Variants in KLHL18 observed in about 807,000 individuals in gnomAD.
The protein encoded by KLHL18 is kelch-like protein 18.
A neutral mutation model predicts 58.5 loss-of-function variants in KLHL18; 38 were observed. That is an observed-to-expected ratio of 0.65 (90% CI 0.50 to 0.85). The LOEUF (loss-of-function observed/expected upper bound fraction) is 0.85. Among genes scored for constraint, KLHL18 ranks in the 40% least tolerant of loss-of-function variants. The probability of loss-of-function intolerance (pLI) is 0.00; values close to 1 mark genes in which losing one functional copy is unlikely to be tolerated. For missense variants in KLHL18, 624 were observed against 778.4 expected (o/e 0.80, Z 2.36); for synonymous variants, 303 against 301.9 (o/e 1.00, Z -0.04).
chr3:47,317,486 G>A (rs991315442), intron 1 of KLHL18, among the ~76,000 whole-genome samples: 5 of 152,126 alleles, frequency 3.3e-5, no homozygotes, highest in Admixed American at 3.3e-4. Context: ...AAACGGGGGT[G>A]TTAGTATAGG....
chr3:47,305,550 A>G (rs1703127250), intron 1 of KLHL18, among the ~76,000 whole-genome samples: 1 of 151,940 alleles, frequency 6.6e-6, no homozygotes, highest in South Asian at 2.1e-4. Flanking sequence ...TATATTCATG[A>G]GGGATATTGG....
intron 1 of KLHL18, among the ~76,000 whole-genome samples, chr3:47,309,317 G>A (rs1159658686): frequency 6.6e-6 from 1 of 152,338 alleles, no homozygotes; most frequent in Non-Finnish European, 1.5e-5. Context: ...GCCGGGCAGA[G>A]GGGCTCCTCA....
chr3:47,311,231 G>A (rs1022117761), intron 1 of KLHL18, among the ~76,000 whole-genome samples: 3 of 151,714 alleles, frequency 2.0e-5, no homozygotes, highest in African/African-American at 7.3e-5. Flanking sequence ...GGATGACCTC[G>A]ATCTTCTGGC....
At chr3:47,290,121 A>G (rs573367529) in intron 1 of KLHL18, among the ~76,000 whole-genome samples, 16 of 151,910 alleles carry the variant, frequency 1.1e-4, no homozygotes, top group Admixed American at 1.0e-3. Flanking sequence ...GATCTAACAC[A>G]GCTGTTTATT....
chr3:47,339,846 G>GT (rs1704069600), intron 7 of KLHL18, among the ~76,000 whole-genome samples: 2 of 151,954 alleles, frequency 1.3e-5, no homozygotes, highest in African/African-American at 4.8e-5. Context: ...GAGGACAGAA[G>GT]TTTGAGACCA....
intron 1 of KLHL18, 105 bp downstream of exon 1, chr3:47,283,199 G>A (rs1576119505): frequency 2.8e-6 from 2 of 706,944 alleles, no homozygotes; most frequent in East Asian, 1.0e-4. Context: ...GAGGGGTGGG[G>A]AGAAGAGGTG....
chr3:47,325,895 A>T (rs1269098056), intron 3 of KLHL18, among the ~76,000 whole-genome samples: 1 of 151,456 alleles, frequency 6.6e-6, no homozygotes, highest in Non-Finnish European at 1.5e-5. Flanking sequence ...CAGCCTCCGG[A>T]GTAGCAGGAT....
intron 4 of KLHL18, 62 bp downstream of exon 4, chr3:47,330,211 TTTTG>T: frequency 1.4e-6 from 2 of 1,457,182 alleles, no homozygotes; most frequent in Non-Finnish European, 1.9e-6. Flanking sequence ...ATAGTCATTG[TTTTG>T]TTTATGTATT....
intron 6 of KLHL18, 43 bp from the exon 7 acceptor site, chr3:47,336,492 G>C: frequency 6.6e-7 from 1 of 1,517,212 alleles, no homozygotes; most frequent in Non-Finnish European, 9.1e-7. Flanking sequence ...CTCTAAACAA[G>C]TGGTCTCATT....
At chr3:47,306,608 T>G (rs1703153479) in intron 1 of KLHL18, among the ~76,000 whole-genome samples, 1 of 152,236 alleles carries the variant, frequency 6.6e-6, no homozygotes, top group Admixed American at 6.5e-5. Context: ...TATTACATAT[T>G]TTCTGGAGCG....
chr3:47,303,647 TGC>T (rs911996471), intron 1 of KLHL18, among the ~76,000 whole-genome samples: 26 of 152,284 alleles, frequency 1.7e-4, no homozygotes, highest in Admixed American at 1.7e-3. Flanking sequence ...GGCTTCAAAC[TGC>T]AGGGCTCAAG....
chr3:47,302,794 T>G (rs1411055378), intron 1 of KLHL18, among the ~76,000 whole-genome samples: 1 of 152,236 alleles, frequency 6.6e-6, no homozygotes, highest in Non-Finnish European at 1.5e-5. Flanking sequence ...TTCCACCATT[T>G]GTTTTAGTTT....
intron 2 of KLHL18, among the ~76,000 whole-genome samples, chr3:47,322,340 T>G (rs1415436349): frequency 6.6e-6 from 1 of 152,248 alleles, no homozygotes; most frequent in East Asian, 1.9e-4. Context: ...CTGTTGACTT[T>G]TTCAGTAGTG....
chr3:47,334,971 C>T lies in KLHL18; in HGVS notation c.898+152C>T. ...TTATACAATTGCTCTACAGTTAGAG[C>T]ATGTCACATATTCATGCCATTGAAT... On this transcript the variant is annotated intron_variant, in intron 6 of 9. Coordinates refer to ENST00000232766, the MANE Select transcript of KLHL18 (RefSeq NM_025010.5). The surrounding 1 kb of genome is among the most constrained non-coding windows in gnomAD (Gnocchi z 4.7). 1.3e-6 allele frequency: 1 copy of T among 772,590 alleles called. No individual in the cohort carries two copies. The highest frequency in any genetic ancestry group is 2.7e-5 in the East Asian group (1 of 36,544). The allele number at this position is 772,590 out of a possible 1,614,324, so 47.9% of individuals were successfully genotyped here.
At chr3:47,296,454 A>G (rs2107587057) in intron 1 of KLHL18, among the ~76,000 whole-genome samples, 1 of 152,310 alleles carries the variant, frequency 6.6e-6, no homozygotes, top group Admixed American at 6.5e-5. Context: ...CCTGCTGTGA[A>G]TGGGAGTCAG....
At chr3:47,283,593 ATCT>A (rs1702547701) in intron 1 of KLHL18, 2 of 153,504 alleles carry the variant, frequency 1.3e-5, no homozygotes, top group African/African-American at 2.4e-5. Flanking sequence ...AGCTTTTAAA[ATCT>A]TCTCTGGAAA....
chr3:47,336,487 A>AAC, intron 6 of KLHL18, 48 bp from the exon 7 acceptor site: 1 of 1,529,148 alleles, frequency 6.5e-7, no homozygotes, highest in Non-Finnish European at 9.0e-7. Context: ...CTGTGCTCTA[A>AAC]ACAAGTGGTC....
intron 3 of KLHL18, among the ~76,000 whole-genome samples, chr3:47,327,973 G>A (rs1703763773): frequency 6.6e-6 from 1 of 152,186 alleles, no homozygotes; most frequent in African/African-American, 2.4e-5. Context: ...CAGAGAATCA[G>A]TCATGGAGCC....
intron 2 of KLHL18, 35 bp from the exon 3 acceptor site, chr3:47,322,533 T>C: frequency 6.5e-7 from 1 of 1,550,220 alleles, no homozygotes; most frequent in Non-Finnish European, 8.7e-7. Flanking sequence ...GACTCGTCTC[T>C]GAAAGCACCT....
Sources: allele counts gnomAD v4.1 joint callset (sites outside exome capture counted in the v4.1 genomes callset), GRCh38; gene constraint gnomAD v4.1.1; non-coding constraint Gnocchi (gnomAD v3.1); transcripts MANE v1.5; gene names NCBI Gene and HGNC (gene_info 2026-07-23, HGNC 2026-07-21).